The following DNASE1 variants were observed in gnomAD, a reference collection of about 807,000 sequenced individuals.
DNASE1 encodes deoxyribonuclease 1, also known as deoxyribonuclease-1.
In DNASE1, 40 loss-of-function variants were observed where a neutral mutation model predicts 33.9. That is an observed-to-expected ratio of 1.18 (90% CI 0.92 to 1.54). The LOEUF is 1.54. DNASE1 is among the 40% of genes most tolerant of loss of function. The pLI is 0.00. For missense variants in DNASE1, 518 were observed against 372.6 expected (o/e 1.39, Z -3.21); for synonymous variants, 216 against 160.0 (o/e 1.35, Z -2.64).
chr16:3,663,491 C>T (rs368865834), exon 10 of DNASE1: 30 of 1,614,092 alleles, frequency 1.9e-5, no homozygotes, highest in Non-Finnish European at 2.4e-5. Context: ...CCACAGAGAT[C>T]AGCTTCTTCT....
intron 1 of DNASE1, among the ~76,000 whole-genome samples, chr16:3,620,989 G>A (rs1002707177): frequency 3.4e-4 from 51 of 152,046 alleles, no homozygotes; most frequent in Middle Eastern, 3.4e-3. Flanking sequence ...TAGTAGAGAC[G>A]GGGTTTCACC....
chr16:3,641,247 C>A, upstream of DNASE1: 1 of 296,550 alleles, frequency 3.4e-6, no homozygotes, highest in Non-Finnish European at 6.2e-6. Flanking sequence ...GGTGAGTGGA[C>A]GCATTTACGT....
At chr16:3,621,193 C>A (rs375706363) in intron 1 of DNASE1, among the ~76,000 whole-genome samples, 5 of 152,072 alleles carry the variant, frequency 3.3e-5, no homozygotes, top group African/African-American at 1.2e-4. Flanking sequence ...TCAGACAATC[C>A]TCCTGCCTCA....
intron 2 of DNASE1, 101 bp downstream of exon 2, chr16:3,655,621 G>T: frequency 6.4e-7 from 1 of 1,567,134 alleles, no homozygotes; most frequent in South Asian, 1.1e-5. Flanking sequence ...CGGGTGTGGG[G>T]TACTGAGCAC....
chr16:3,614,134 G>A (rs903934433), intron 1 of DNASE1, among the ~76,000 whole-genome samples: 2 of 151,922 alleles, frequency 1.3e-5, no homozygotes, highest in African/African-American at 2.4e-5. Context: ...GGATGGTCTC[G>A]ATTTCCTGAC....
exon 10 of DNASE1, chr16:3,664,128 C>T (rs2050765367): frequency 4.9e-6 from 4 of 809,136 alleles, no homozygotes; most frequent in South Asian, 2.4e-5. Flanking sequence ...CCGTCACAGT[C>T]GGTCCGGCCT....
At chr16:3,626,855 A>T (rs1476349098) in intron 1 of DNASE1, among the ~76,000 whole-genome samples, 2 of 152,032 alleles carry the variant, frequency 1.3e-5, no homozygotes, top group Non-Finnish European at 2.9e-5. Context: ...ATTATGTAAT[A>T]GCCCTCTTTT....
intron 7 of DNASE1, among the ~76,000 whole-genome samples, 161 bp from the exon 8 acceptor site, chr16:3,657,559 A>G (rs1364068792): frequency 6.6e-6 from 1 of 152,168 alleles, no homozygotes; most frequent in East Asian, 1.9e-4. Flanking sequence ...CTAGGCTGTC[A>G]TGTGGTTTCC....
chr16:3,647,905 C>A (rs2151200483), intron 1 of DNASE1, among the ~76,000 whole-genome samples: 1 of 152,232 alleles, frequency 6.6e-6, no homozygotes, highest in East Asian at 1.9e-4. Context: ...CAGTGGCTCA[C>A]ACCTGTAATC....
In DNASE1 at chr16:3,621,700, T is replaced by G. The variant is rs539407958; in HGVS notation, c.-1359+9694T>G. Reference sequence around the variant, plus strand: ...TTTTGTTTAGCAGTTGCATTATATGTCATCATTTGGATACATTCATACTTC... The same window carrying G: ...TTTTGTTTAGCAGTTGCATTATATGGCATCATTTGGATACATTCATACTTC... On this transcript the variant is annotated intron_variant and NMD_transcript_variant, in intron 1 of 11. Coordinates refer to the DNASE1 transcript ENST00000570769. Among the ~76,000 whole-genome samples, 13 of 152,370 alleles carry G rather than the reference T, an allele frequency of 8.5e-5. No individual in the cohort carries two copies. In the South Asian group the frequency reaches 2.7e-3, roughly 32 times the overall value.
At chr16:3,624,799 G>A (rs1255996899) in intron 1 of DNASE1, among the ~76,000 whole-genome samples, 2 of 152,134 alleles carry the variant, frequency 1.3e-5, no homozygotes, top group Admixed American at 1.3e-4. Context: ...TCCCACCTCA[G>A]CCTGTATTCT....
rs1352636436 is a variant in DNASE1, at chr16:3,633,534, A to G, written c.-1358-7181A>G. Among the ~76,000 whole-genome samples the G allele has an allele frequency of 2.0e-5, 3 of 150,920 alleles. No homozygotes were observed. In the East Asian group the frequency reaches 5.9e-4, roughly 30 times the overall value. ...GAGGCAGGAGAATGGCTTGAACCCG[A>G]GAGGTGGAGGTTGCAGTGAGCCGAG... On this transcript the variant is annotated intron_variant and NMD_transcript_variant, in intron 1 of 11. Transcript: ENST00000570769.
At chr16:3,622,215 A>C (rs1449836050) in intron 1 of DNASE1, among the ~76,000 whole-genome samples, 10 of 122,672 alleles carry the variant, frequency 8.2e-5, no homozygotes, top group Admixed American at 8.0e-4. Context: ...GCAAGACTGA[A>C]AAAAAAAAAA....
intron 1 of DNASE1, among the ~76,000 whole-genome samples, chr16:3,631,425 G>A (rs1419304310): frequency 6.6e-6 from 1 of 152,136 alleles, no homozygotes; most frequent in Non-Finnish European, 1.5e-5. Context: ...GGCTGGTCTC[G>A]AACTACTAAC....
intron 1 of DNASE1, among the ~76,000 whole-genome samples, chr16:3,613,974 G>A (rs534154310): frequency 1.4e-5 from 2 of 143,786 alleles, no homozygotes; most frequent in South Asian, 2.2e-4. Context: ...ATGCAGTGGT[G>A]TGATCTCGGC....
chr16:3,636,125 A>G (rs1042840415), intron 1 of DNASE1, among the ~76,000 whole-genome samples: 2 of 149,410 alleles, frequency 1.3e-5, no homozygotes, highest in Admixed American at 6.7e-5. Context: ...CATCTTGTTC[A>G]TTCTTTTCTC....
At chr16:3,621,909 T>C (rs2041328334) in intron 1 of DNASE1, among the ~76,000 whole-genome samples, 1 of 152,160 alleles carries the variant, frequency 6.6e-6, no homozygotes, top group African/African-American at 2.4e-5. Context: ...TTTGGGGTGT[T>C]ACCCAGTTAC....
At chr16:3,617,534 A>C (rs1310949167) in intron 1 of DNASE1, among the ~76,000 whole-genome samples, 1 of 152,166 alleles carries the variant, frequency 6.6e-6, no homozygotes, top group Non-Finnish European at 1.5e-5. Context: ...GATATTTGTT[A>C]ATCATATACC....
In DNASE1 at chr16:3,656,143, T is replaced by G. The variant is rs1313485687; in HGVS notation, c.278T>G (p.Leu93Arg). 2 of 1,614,100 alleles carry G rather than the reference T, an allele frequency of 1.2e-6. No homozygotes were observed. The highest frequency in any genetic ancestry group is 3.3e-5 in the Admixed American group (2 of 60,032). Residue 93 changes from leucine to arginine, a missense_variant, in exon 4 of 9, where the codon CTG (leucine) becomes CGG (arginine). Leu to Arg is a moderately radical substitution (Grantham distance 102). Coordinates refer to ENST00000246949, the MANE Select transcript of DNASE1 (RefSeq NM_005223.4). ...TATCACTACGTGGTCAGTGAGCCAC[T>G]GGGACGGAACAGCTATAAGGAGCGC... ...DTYHYVVSEP[L>R]GRNSYKERYL...
Sources: gnomAD v4.1 joint callset for allele counts (sites outside exome capture counted in the v4.1 genomes callset) on GRCh38, gnomAD v4.1.1 for gene constraint, MANE v1.5 for transcripts, NCBI Gene and HGNC (gene_info 2026-07-23, HGNC 2026-07-21) for gene names.